SP1: variants seen among roughly 807,000 people sequenced by gnomAD.
The protein encoded by SP1 is Sp1 transcription factor, also known as transcription factor Sp1.
In SP1, 6 loss-of-function variants were observed where a neutral mutation model predicts 66.3. The ratio of observed to expected loss-of-function variants is 0.09; its 90% CI spans 0.05 to 0.18. The LOEUF (loss-of-function observed/expected upper bound fraction) is 0.18, where lower values mean the gene tolerates loss of function less well. Among genes scored for constraint, SP1 ranks in the 10% least tolerant of loss-of-function variants. The pLI, the probability that SP1 is intolerant of heterozygous loss-of-function variation, is 1.00. For synonymous variants in SP1, 417 were observed against 360.8 expected (o/e 1.16, Z -1.77); for missense variants, 848 against 964.5 (o/e 0.88, Z 1.60).
chr12:53,394,470 A>G (rs921632968), intron 3 of SP1, among the ~76,000 whole-genome samples: 4 of 137,894 alleles, frequency 2.9e-5, no homozygotes, highest in Non-Finnish European at 4.7e-5. Flanking sequence ...CTGTGGCACA[A>G]TCAGGGCCTA....
chr12:53,413,003 A>T lies in SP1; in HGVS notation c.*1763A>T, dbSNP rs1307061188. On this transcript the variant is annotated 3_prime_UTR_variant, in exon 6 of 6. Coordinates refer to ENST00000327443, the MANE Select transcript of SP1 (RefSeq NM_138473.3). ...GTTGGGGATAGGTTTTCTGCTAGCC[A>T]ATATTAAAAGAGACCTGCAATAAAA... The T allele has an allele frequency of 6.6e-6, 1 of 152,128 alleles. No homozygotes were observed. Among genetic ancestry groups the T allele is most frequent in the African/African-American group, 2.4e-5 (1 of 41,276 alleles). 9.4% of individuals were successfully genotyped at this position (152,128 alleles called of 1,614,324 possible).
chr12:53,406,826 TA>T (rs1321503578), intron 4 of SP1, 73 bp downstream of exon 4: 31 of 1,343,060 alleles, frequency 2.3e-5, no homozygotes, highest in Non-Finnish European at 3.1e-5. Context: ...GGAAGAAGAT[TA>T]ATTTTTTTTT....
In SP1 at chr12:53,413,945, C is replaced by G. The variant is rs1938946171; in HGVS notation, c.*2705C>G. 1 of 152,158 alleles carries G rather than the reference C, an allele frequency of 6.6e-6. No homozygotes were observed. Among genetic ancestry groups the G allele is most frequent in the Admixed American group, 6.5e-5 (1 of 15,272 alleles). 9.4% of individuals were successfully genotyped at this position (152,158 alleles called of 1,614,324 possible). ...TAATTATTTCCACTTGCCCTGTTCT[C>G]TTCACACCAAGGAAGCTCCAGATCC... is the stretch of plus-strand genomic sequence containing the variant. On this transcript the variant is annotated 3_prime_UTR_variant, in exon 6 of 6. Transcript: ENST00000327443.
rs767312469 is a variant in SP1, at chr12:53,409,350, C to T, written c.1845-12C>T. 2 of 1,610,588 alleles carry T rather than the reference C, an allele frequency of 1.2e-6. No individual in the cohort carries two copies. The highest frequency in any genetic ancestry group is 1.3e-5 in the African/African-American group (1 of 74,966). On this transcript the variant is annotated splice_polypyrimidine_tract_variant and intron_variant, in intron 4 of 5. Transcript: ENST00000327443. ...TAGAATGAATGATTAACAGTTGTGT[C>T]CTCACTTTCAGGGGCTCGGGGGATC...
intron 3 of SP1, among the ~76,000 whole-genome samples, chr12:53,395,286 G>GT (rs987275079): frequency 6.6e-6 from 1 of 152,122 alleles, no homozygotes; most frequent in African/African-American, 2.4e-5. Context: ...TTTGCAGTGA[G>GT]TTGAGACAGC....
In SP1 at chr12:53,382,967, C is replaced by T; in HGVS notation, c.1020C>T (p.Asn340=). 4.3e-6 allele frequency: 7 copies of T among 1,614,176 alleles called. No individual in the cohort carries two copies. The highest frequency in any genetic ancestry group is 5.9e-6 in the Non-Finnish European group (7 of 1,180,040). The part of the protein sequence containing the change: ...TTTTSNMGIM[N]FTTSGSSGTN... The stretch of plus-strand genomic sequence containing the variant: ...CCACCAGCAACATGGGAATTATGAA[C>T]TTTACTACCAGTGGATCATCAGGGA... Residue 340 remains asparagine (N), a synonymous_variant, in exon 3 of 6, where the codon AAC becomes AAT. Coordinates refer to ENST00000327443, the MANE Select transcript of SP1 (RefSeq NM_138473.3).
At position 53,412,930 on chromosome 12, in the gene SP1, C is replaced by CTGTGTGTGTG. The variant is rs57242856; in HGVS notation, c.*1718_*1727dup. ...TGTGAGGAAGTGTGGAAAAATAGCT[C>CTGTGTGTGTG]TGTGTGTGTGTGTGTGTGTGTGTGT... On this transcript the variant is annotated 3_prime_UTR_variant, in exon 6 of 6. Coordinates refer to ENST00000327443, the MANE Select transcript of SP1 (RefSeq NM_138473.3). 3.7e-4 allele frequency: 54 copies of CTGTGTGTGTG among 147,442 alleles called. No individual in the cohort carries two copies. The highest frequency in any genetic ancestry group is 1.3e-3 in the African/African-American group (54 of 40,046). 9.1% of individuals were successfully genotyped at this position (147,442 alleles called of 1,614,324 possible).
At chr12:53,389,556 A>C (rs796839948) in intron 3 of SP1, among the ~76,000 whole-genome samples, 6 of 151,600 alleles carry the variant, frequency 4.0e-5, no homozygotes, top group African/African-American at 1.5e-4. Context: ...CATGTTGGCC[A>C]GGATGGTCTC....
Position 53,382,164 on chromosome 12 carries a change from T to C in SP1, c.217T>C (p.Ser73Pro), listed in dbSNP as rs1489297474. The C allele has an allele frequency of 6.2e-7, 1 of 1,613,846 alleles. No homozygotes were observed. Among genetic ancestry groups the C allele is most frequent in the Non-Finnish European group, 8.5e-7 (1 of 1,179,992 alleles). ...GGCAGCAACTTGCAGCAGAATTGAG[T>C]CACCCAATGAGAACAGCAACAACTC... ...LLAATCSRIE[S>P]PNENSNNSQG... The change falls in exon 3 of 6, where the codon TCA becomes CCA. Residue 73 changes from serine (S) to proline (P), a missense_variant. Transcript: ENST00000327443.
At position 53,383,635 on chromosome 12, in the gene SP1, A is replaced by C; in HGVS notation, c.1675+13A>C. ...GCAAATGCCCCAGGTAAGATTTCCA[A>C]TCTTGTGCATTTATTGGGAACCAAC... On this transcript the variant is annotated intron_variant, in intron 3 of 5. Transcript: ENST00000327443. 6.3e-7 allele frequency: 1 copy of C among 1,583,864 alleles called. No homozygotes were observed.
intron 5 of SP1, 88 bp downstream of exon 5, chr12:53,409,649 G>A: frequency 8.9e-7 from 1 of 1,124,916 alleles, no homozygotes; most frequent in South Asian, 1.4e-5. Flanking sequence ...AAATTTCTGA[G>A]CAACTTAATT....
At chr12:53,385,534 G>A (rs1159827126) in intron 3 of SP1, among the ~76,000 whole-genome samples, 1 of 151,276 alleles carries the variant, frequency 6.6e-6, no homozygotes, top group African/African-American at 2.4e-5. Context: ...GGCGGAGGTT[G>A]CAATGAGCCG....
chr12:53,380,838 C>T (rs1938075771), intron 1 of SP1, among the ~76,000 whole-genome samples: 1 of 149,930 alleles, frequency 6.7e-6, no homozygotes, highest in Non-Finnish European at 1.5e-5. Context: ...TGACTACTAA[C>T]CTGTAGATCC....
chr12:53,402,159 A>G (rs548277609), intron 3 of SP1, among the ~76,000 whole-genome samples: 226 of 151,282 alleles, frequency 1.5e-3, no homozygotes, highest in African/African-American at 5.2e-3. Context: ...TTTCAGCTCT[A>G]CCAATATCAT....
intron 3 of SP1, among the ~76,000 whole-genome samples, chr12:53,404,899 A>C (rs1370090386): frequency 6.6e-6 from 1 of 152,072 alleles, no homozygotes; most frequent in Non-Finnish European, 1.5e-5. Flanking sequence ...GCAGTGGCAC[A>C]GTCTCGGCTC....
At chr12:53,392,098 A>G (rs763462216) in intron 3 of SP1, among the ~76,000 whole-genome samples, 31 of 152,200 alleles carry the variant, frequency 2.0e-4, no homozygotes, top group Non-Finnish European at 4.4e-4. Flanking sequence ...TTGTTTGACA[A>G]CTTTGGATGT....
intron 3 of SP1, among the ~76,000 whole-genome samples, chr12:53,384,519 A>G (rs1051199085): frequency 6.7e-6 from 1 of 149,358 alleles, no homozygotes; most frequent in Admixed American, 6.7e-5. Flanking sequence ...TCCTGACCTC[A>G]TGTGAATCCA....
intron 3 of SP1, among the ~76,000 whole-genome samples, chr12:53,384,261 G>A (rs1189840178): frequency 2.0e-5 from 3 of 147,368 alleles, no homozygotes; most frequent in Non-Finnish European, 4.5e-5. Context: ...GAGCCACCGC[G>A]CCCGGCTTTC....
In SP1 at chr12:53,382,941, A is replaced by G. The variant is rs1488495288; in HGVS notation, c.994A>G (p.Thr332Ala). Residue 332 changes from threonine to alanine, a missense_variant, in exon 3 of 6, where the codon ACC (threonine) becomes GCC (alanine). Transcript: ENST00000327443. Reference sequence around the variant, plus strand: ...TGCCAATAGCTACTCAACTACTACTACCACCAGCAACATGGGAATTATGAA... The same window carrying G: ...TGCCAATAGCTACTCAACTACTACTGCCACCAGCAACATGGGAATTATGAA... ...TNANSYSTTT[T>A]TSNMGIMNFT... 1.2e-6 allele frequency: 2 copies of G among 1,614,058 alleles called. No homozygotes were observed. The highest frequency in any genetic ancestry group is 3.3e-5 in the Admixed American group (2 of 59,986).
Sources: allele counts gnomAD v4.1 joint callset (sites outside exome capture counted in the v4.1 genomes callset), GRCh38; gene constraint gnomAD v4.1.1; transcripts MANE v1.5; gene names NCBI Gene and HGNC (gene_info 2026-07-23, HGNC 2026-07-21).